LRRTM4: variants seen among roughly 807,000 people sequenced by gnomAD.
LRRTM4 encodes the protein leucine rich repeat transmembrane neuronal 4, also known as leucine-rich repeat transmembrane neuronal protein 4.
LRRTM4 carries 25 observed loss-of-function variants against 47.6 expected under a neutral mutation model. That is an observed-to-expected ratio of 0.53 (90% CI 0.38 to 0.73). LRRTM4 has a LOEUF of 0.73. Ranked by LOEUF, LRRTM4 falls within the 30% of genes least tolerant of loss-of-function variation. The pLI, the probability that LRRTM4 is intolerant of heterozygous loss-of-function variation, is 0.00. For synonymous variants in LRRTM4, 311 were observed against 269.5 expected, an observed-to-expected ratio of 1.15 and a Z score of -1.51; for missense variants, 638 against 713.4, an observed-to-expected ratio of 0.89 and a Z score of 1.20.
At chr2:77,008,160 T>C (rs1677730013) in intron 3 of LRRTM4, among the ~76,000 whole-genome samples, 1 of 152,148 alleles carries the variant, frequency 6.6e-6, no homozygotes, top group African/African-American at 2.4e-5. Context: ...AAACTTCAAA[T>C]GTTGTGTGGT....
chr2:77,047,283 T>C (rs1216278332), intron 3 of LRRTM4, among the ~76,000 whole-genome samples: 1 of 152,010 alleles, frequency 6.6e-6, no homozygotes, highest in African/African-American at 2.4e-5. Context: ...TTTTCACAGG[T>C]GTTCCTCAGC....
chr2:77,505,434 T>C (rs945573149), intron 3 of LRRTM4, among the ~76,000 whole-genome samples: 5 of 151,466 alleles, frequency 3.3e-5, no homozygotes, highest in African/African-American at 1.2e-4. Context: ...TGTTACCACA[T>C]GCTAGTATAG....
intron 3 of LRRTM4, among the ~76,000 whole-genome samples, chr2:77,029,522 C>A (rs1168106681): frequency 6.6e-6 from 1 of 152,142 alleles, no homozygotes; most frequent in African/African-American, 2.4e-5. Flanking sequence ...GTTAAGTCTC[C>A]ACATTCCACT....
chr2:77,051,309 T>C (rs1223309144), intron 3 of LRRTM4, among the ~76,000 whole-genome samples: 1 of 152,068 alleles, frequency 6.6e-6, no homozygotes, highest in Admixed American at 6.6e-5. Flanking sequence ...AAAGAATTAC[T>C]GTTAGGAGAG....
chr2:76,925,839 C>G (rs566455961), intron 3 of LRRTM4, among the ~76,000 whole-genome samples: 2 of 152,196 alleles, frequency 1.3e-5, no homozygotes, highest in South Asian at 4.1e-4. Context: ...TAGCTATACT[C>G]CCAAGATTTG....
chr2:77,369,386 G>A (rs1266902388), intron 3 of LRRTM4, among the ~76,000 whole-genome samples: 3 of 151,586 alleles, frequency 2.0e-5, no homozygotes, highest in African/African-American at 2.4e-5. Flanking sequence ...CAGTGTCTGG[G>A]TGGAGTGGAG....
chr2:76,860,591 T>C (rs1672285274), intron 3 of LRRTM4, among the ~76,000 whole-genome samples: 1 of 152,038 alleles, frequency 6.6e-6, no homozygotes, highest in Non-Finnish European at 1.5e-5. Flanking sequence ...TGTATTGCTA[T>C]AGGCTCACTT....
intron 3 of LRRTM4, among the ~76,000 whole-genome samples, chr2:77,381,802 A>G (rs1673063410): frequency 6.6e-6 from 1 of 152,042 alleles, no homozygotes; most frequent in Non-Finnish European, 1.5e-5. Flanking sequence ...TACACATTTT[A>G]TGTAGATAAA....
intron 3 of LRRTM4, among the ~76,000 whole-genome samples, chr2:77,300,808 C>T (rs1299452757): frequency 6.6e-6 from 1 of 151,976 alleles, no homozygotes; most frequent in Non-Finnish European, 1.5e-5. Flanking sequence ...AAGATAGCAA[C>T]TTGTATTATT....
rs202110492 is a variant in LRRTM4 at position 76,748,817 on chromosome 2, C to T, written c.1651G>A (p.Glu551Lys). ...TCGTCCTGCTCTGGAGACACTGTCTCATAGCCCTTGGTGACATGGAGTGGC... is the reference window on the plus strand; with the variant it reads ...TCGTCCTGCTCTGGAGACACTGTCTTATAGCCCTTGGTGACATGGAGTGGC... ...HQPLHVTKGY[E>K]TVSPEQDESP... Residue 551 changes from glutamate to lysine, a missense_variant, in exon 4 of 4, where the codon GAG becomes AAG. Transcript: ENST00000409884. The T allele has an allele frequency of 1.2e-6, 2 of 1,614,048 alleles. No individual in the cohort carries two copies. Among genetic ancestry groups the T allele is most frequent in the Non-Finnish European group, 1.7e-6 (2 of 1,179,908 alleles).
At chr2:77,050,716 T>G (rs990945698) in intron 3 of LRRTM4, among the ~76,000 whole-genome samples, 8 of 152,172 alleles carry the variant, frequency 5.3e-5, no homozygotes, top group African/African-American at 1.9e-4. Context: ...TTGCTAGCTG[T>G]GTGATCTTGG....
intron 3 of LRRTM4, among the ~76,000 whole-genome samples, chr2:77,436,033 T>C (rs1225019016): frequency 6.6e-6 from 1 of 152,198 alleles, no homozygotes; most frequent in Non-Finnish European, 1.5e-5. Context: ...TAGATAATTT[T>C]GACTCTCCAT....
chr2:76,869,224 G>T (rs1327935512), intron 3 of LRRTM4, among the ~76,000 whole-genome samples: 1 of 151,668 alleles, frequency 6.6e-6, no homozygotes, highest in Non-Finnish European at 1.5e-5. Flanking sequence ...CAGGAGAATC[G>T]CTTGAACCCA....
intron 3 of LRRTM4, among the ~76,000 whole-genome samples, chr2:76,911,102 C>T (rs1558732972): frequency 6.6e-6 from 1 of 152,132 alleles, no homozygotes. Flanking sequence ...ACAGAAATAT[C>T]TTTAAAACAT....
chr2:76,992,219 T>C (rs1241704700), intron 3 of LRRTM4, among the ~76,000 whole-genome samples: 2 of 151,656 alleles, frequency 1.3e-5, no homozygotes, highest in African/African-American at 4.8e-5. Flanking sequence ...TCCTTAAGAA[T>C]TGAAACAAGA....
chr2:77,361,555 C>T, intron 3 of LRRTM4, among the ~76,000 whole-genome samples: 1 of 152,124 alleles, frequency 6.6e-6, no homozygotes, highest in East Asian at 1.9e-4. Flanking sequence ...ACTGTGGTCC[C>T]ACATATCCTC....
chr2:77,411,954 CT>C (rs998008804), intron 3 of LRRTM4, among the ~76,000 whole-genome samples: 2 of 152,134 alleles, frequency 1.3e-5, no homozygotes, highest in African/African-American at 4.8e-5. Flanking sequence ...TGAGGTCATG[CT>C]TTCCTCTTGC....
At chr2:77,404,541 GC>G (rs1674099731) in intron 3 of LRRTM4, among the ~76,000 whole-genome samples, 1 of 152,006 alleles carries the variant, frequency 6.6e-6, no homozygotes, top group South Asian at 2.1e-4. Flanking sequence ...ACTTAAAGTG[GC>G]AAAAGAGGCC....
chr2:76,994,873 A>G (rs1677144231), intron 3 of LRRTM4, among the ~76,000 whole-genome samples: 1 of 152,018 alleles, frequency 6.6e-6, no homozygotes, highest in Non-Finnish European at 1.5e-5. Context: ...ATTTAAAAAA[A>G]GCTAGGGAAC....
Sources: allele counts gnomAD v4.1 joint callset (sites outside exome capture counted in the v4.1 genomes callset), GRCh38; gene constraint gnomAD v4.1.1; transcripts MANE v1.5; gene names NCBI Gene and HGNC (gene_info 2026-07-23, HGNC 2026-07-21).